Variants in MYO9B observed in about 807,000 individuals in gnomAD.
The protein encoded by MYO9B is unconventional myosin-IXb.
MYO9B carries 71 observed loss-of-function variants against 229.5 expected under a neutral mutation model. That is an observed-to-expected ratio of 0.31 (90% CI 0.26 to 0.38). The LOEUF (loss-of-function observed/expected upper bound fraction) is 0.38. Ranked by LOEUF, MYO9B falls within the 10% of genes least tolerant of loss-of-function variation. The pLI is 1.00. For synonymous variants in MYO9B, 1,185 were observed against 1,235.8 expected (o/e 0.96, Z 0.86); for missense variants, 2,255 against 2,920.5 (o/e 0.77, Z 5.25).
At chr19:17,159,965 G>A (rs2072580228) in intron 8 of MYO9B, among the ~76,000 whole-genome samples, 1 of 152,136 alleles carries the variant, frequency 6.6e-6, no homozygotes, top group Admixed American at 6.5e-5. Context: ...TCTGGAACAT[G>A]ACACTGACTA....
chr19:17,107,256 A>G (rs2057801258), intron 2 of MYO9B, among the ~76,000 whole-genome samples: 1 of 152,120 alleles, frequency 6.6e-6, no homozygotes. Flanking sequence ...AAAAAAATTT[A>G]GTAGGTGAAT....
At chr19:17,098,429 G>A (rs1448528892) in intron 1 of MYO9B, among the ~76,000 whole-genome samples, 1 of 152,106 alleles carries the variant, frequency 6.6e-6, no homozygotes, top group East Asian at 1.9e-4. Context: ...CCTGCTGTGT[G>A]TCTTTTAACT....
intron 6 of MYO9B, 57 bp from the exon 7 acceptor site, chr19:17,156,852 A>G: frequency 2.6e-6 from 4 of 1,556,018 alleles, no homozygotes; most frequent in Non-Finnish European, 3.5e-6. Flanking sequence ...CCTGGGAAGT[A>G]TCTGCTGTCT....
chr19:17,203,013 GT>G (rs771087259), intron 29 of MYO9B, 130 bp downstream of exon 29: 1 of 1,395,288 alleles, frequency 7.2e-7, no homozygotes, highest in Non-Finnish European at 9.9e-7. Flanking sequence ...GTGTGAGTGT[GT>G]TTTTCCCCCG....
intron 30 of MYO9B, among the ~76,000 whole-genome samples, chr19:17,204,586 G>A (rs1440600795): frequency 1.3e-5 from 2 of 151,906 alleles, no homozygotes; most frequent in Non-Finnish European, 2.9e-5. Flanking sequence ...GCTCACACCT[G>A]TAATCCCAGC....
At chr19:17,179,328 T>C (rs2072828242) in intron 14 of MYO9B, among the ~76,000 whole-genome samples, 1 of 151,754 alleles carries the variant, frequency 6.6e-6, no homozygotes, top group Admixed American at 6.6e-5. Context: ...AACAAGGAGA[T>C]TGACATCTGG....
chr19:17,209,806 G>C, intron 36 of MYO9B, 97 bp downstream of exon 36: 3 of 1,442,738 alleles, frequency 2.1e-6, no homozygotes, highest in South Asian at 1.3e-5. Flanking sequence ...GGGAAGGCTG[G>C]TGAGTGGGGT....
chr19:17,156,292 T>A (rs752212144), intron 6 of MYO9B, among the ~76,000 whole-genome samples: 1 of 151,926 alleles, frequency 6.6e-6, no homozygotes, highest in African/African-American at 2.4e-5. Context: ...TACAAACCTG[T>A]AGTCCCAGCT....
chr19:17,116,262 C>T (rs533254091), intron 2 of MYO9B, among the ~76,000 whole-genome samples: 1 of 152,322 alleles, frequency 6.6e-6, no homozygotes, highest in East Asian at 1.9e-4. Context: ...CCTGTGGGCC[C>T]AGAGTCACCG....
intron 2 of MYO9B, among the ~76,000 whole-genome samples, chr19:17,121,587 C>G (rs2057965946): frequency 6.6e-6 from 1 of 152,138 alleles, no homozygotes; most frequent in Non-Finnish European, 1.5e-5. Context: ...GGCAGTGGCA[C>G]CTGCAGGGAG....
Position 17,154,425 on chromosome 19 carries a change from C to G in MYO9B, c.1199+10C>G. The G allele has an allele frequency of 1.2e-6, 2 of 1,603,500 alleles. No individual in the cohort carries two copies. Among genetic ancestry groups the G allele is most frequent in the Non-Finnish European group, 1.7e-6 (2 of 1,172,886 alleles). Reference sequence around the variant, plus strand: ...CCGCCACCAAGAAGCAGTAAGTGTGCGGGCTCCCGGGGCCTGTCCCCCAGA... The same window carrying G: ...CCGCCACCAAGAAGCAGTAAGTGTGGGGGCTCCCGGGGCCTGTCCCCCAGA... On this transcript the variant is annotated intron_variant, in intron 6 of 39. Transcript: ENST00000682292.
chr19:17,187,157 G>A (rs992171861), intron 18 of MYO9B, among the ~76,000 whole-genome samples: 4 of 152,186 alleles, frequency 2.6e-5, no homozygotes, highest in Non-Finnish European at 5.9e-5. Context: ...CCCCTGGCAG[G>A]AAGCATCTCC....
chr19:17,196,679 G>A (rs559483747), intron 22 of MYO9B, among the ~76,000 whole-genome samples: 9 of 147,758 alleles, frequency 6.1e-5, no homozygotes, highest in African/African-American at 1.5e-4. Flanking sequence ...ATGAGACTCC[G>A]TCTCAAAAAA....
chr19:17,169,795 T>C (rs2072701023), intron 11 of MYO9B, among the ~76,000 whole-genome samples: 1 of 126,988 alleles, frequency 7.9e-6, no homozygotes, highest in African/African-American at 3.4e-5. Context: ...CTCAATCCTG[T>C]CTCCTCCTTT....
At chr19:17,207,439 C>T in intron 35 of MYO9B, 195 bp downstream of exon 35, 2 of 588,638 alleles carry the variant, frequency 3.4e-6, no homozygotes, top group Non-Finnish European at 5.6e-6. Flanking sequence ...TCGAGACCAG[C>T]CTGGGCAACA....
intron 2 of MYO9B, among the ~76,000 whole-genome samples, chr19:17,140,060 G>A (rs1448984109): frequency 2.0e-5 from 3 of 151,846 alleles, no homozygotes; most frequent in African/African-American, 7.3e-5. Flanking sequence ...AAGAAAAAAT[G>A]ATTGGATGGA....
chr19:17,197,761 C>T (rs1568297987), intron 22 of MYO9B, 31 bp from the exon 23 acceptor site: 2 of 1,612,924 alleles, frequency 1.2e-6, no homozygotes, highest in Non-Finnish European at 1.7e-6. Context: ...TCACTCTAGT[C>T]AGTAAAAGCC....
intron 10 of MYO9B, among the ~76,000 whole-genome samples, chr19:17,167,244 G>T: frequency 6.6e-6 from 1 of 150,562 alleles, no homozygotes; most frequent in Non-Finnish European, 1.5e-5. Flanking sequence ...TATTGCCCGG[G>T]CTGGTCTCAA....
intron 11 of MYO9B, 54 bp downstream of exon 11, chr19:17,168,118 A>G: frequency 6.3e-7 from 1 of 1,596,986 alleles, no homozygotes; most frequent in Non-Finnish European, 8.5e-7. Context: ...GCACTGGGTC[A>G]GGTTCTGCAG....
Sources: gnomAD v4.1 joint callset for allele counts (sites outside exome capture counted in the v4.1 genomes callset) on GRCh38, gnomAD v4.1.1 for gene constraint, MANE v1.5 for transcripts, NCBI Gene and HGNC (gene_info 2026-07-23, HGNC 2026-07-21) for gene names.